Variants in CHM observed in about 807,000 individuals in gnomAD.
CHM encodes the protein CHM Rab escort protein, also known as rab proteins geranylgeranyltransferase component A 1.
Under a neutral mutation model 49.0 loss-of-function variants are expected in CHM, and 10 were observed. The observed-to-expected ratio is 0.20, with a 90% CI of 0.13 to 0.35. The LOEUF is 0.35. Among genes scored for constraint, CHM ranks in the 10% least tolerant of loss-of-function variants. The pLI is 1.00. For synonymous variants in CHM, 184 were observed against 167.5 expected (o/e 1.10, Z -0.76); for missense variants, 455 against 478.4 (o/e 0.95, Z 0.46).
At chrX:85,871,945 C>A (rs1329017274) in intron 14 of CHM, among the ~76,000 whole-genome samples, 1 of 112,076 alleles carries the variant, frequency 8.9e-6, no homozygotes, top group African/African-American at 3.2e-5. Flanking sequence ...AAATGCAGAT[C>A]TTCAGCCATC....
intron 2 of CHM, among the ~76,000 whole-genome samples, chrX:86,013,733 C>CAAAAAAAAAAAAGAA (rs71988543): frequency 7.6e-5 from 6 of 78,495 alleles, no homozygotes; most frequent in South Asian, 5.7e-4. Flanking sequence ...GACTTCGTCT[C>CAAAAAAAAAAAAGAA]AAAAAAAAAA....
At chrX:85,963,587 T>C (rs1261830095) in intron 5 of CHM, 78 bp downstream of exon 5, 5 of 809,220 alleles carry the variant, frequency 6.2e-6, no homozygotes. Flanking sequence ...ATGTTCTGCA[T>C]CTCAGAGAAT....
chrX:85,931,588 T>C (rs1928439090), intron 8 of CHM, among the ~76,000 whole-genome samples: 1 of 111,696 alleles, frequency 9.0e-6, no homozygotes, highest in Non-Finnish European at 1.9e-5. Context: ...CTAGATGATT[T>C]ACGGATCTAC....
chrX:85,871,919 G>T (rs1032998266), intron 14 of CHM, among the ~76,000 whole-genome samples: 5 of 111,933 alleles, frequency 4.5e-5, no homozygotes, highest in Non-Finnish European at 9.4e-5. Flanking sequence ...AAAATGACTT[G>T]ATCATTTCAA....
At chrX:85,883,404 C>A (rs1020562666) in intron 12 of CHM, among the ~76,000 whole-genome samples, 24 of 110,697 alleles carry the variant, frequency 2.2e-4, no homozygotes, top group Non-Finnish European at 1.9e-5. Flanking sequence ...AAACAGAGAA[C>A]CTCAGAGACA....
chrX:85,913,386 A>AAGAAAG (rs1200549168), intron 8 of CHM, among the ~76,000 whole-genome samples: 1 of 104,428 alleles, frequency 9.6e-6, no homozygotes, highest in Non-Finnish European at 2.0e-5. Flanking sequence ...GAAAGAAAGA[A>AAGAAAG]AAAAGGAAAA....
In CHM at chrX:85,958,944, G is replaced by A. The variant is rs1192192020; in HGVS notation, c.736C>T (p.Leu246=). 1 of 1,210,934 alleles carries A rather than the reference G, an allele frequency of 8.3e-7. No individual in the cohort carries two copies. Among genetic ancestry groups the A allele is most frequent in the Admixed American group, 2.2e-5 (1 of 45,954 alleles). Residue 246 remains leucine, a synonymous_variant, in exon 6 of 15, where the codon CTA becomes TTA. Coordinates refer to ENST00000357749, the MANE Select transcript of CHM (RefSeq NM_000390.4). ...TATCGACTAACATTAGATTTGATTA[G>A]AAGATCAATTAGTAATCCTCGAGAA... The part of the protein sequence containing the change: ...LYSRGLLIDL[L]IKSNVSRYAE...
chrX:86,015,291 A>AT (rs1477006757), intron 2 of CHM, among the ~76,000 whole-genome samples: 1 of 110,356 alleles, frequency 9.1e-6, no homozygotes, highest in African/African-American at 3.3e-5. Flanking sequence ...TATCTTCCTC[A>AT]TTTTCTCTTG....
chrX:85,974,558 G>C (rs1211659105), intron 4 of CHM, among the ~76,000 whole-genome samples: 4 of 110,891 alleles, frequency 3.6e-5, no homozygotes, highest in African/African-American at 1.3e-4. Context: ...AGATCGAACA[G>C]AATAAAGAAC....
chrX:85,893,442 T>A (rs377586076), intron 12 of CHM, among the ~76,000 whole-genome samples: 12 of 111,720 alleles, frequency 1.1e-4, no homozygotes, highest in African/African-American at 3.9e-4. Flanking sequence ...GTTCAGTAAT[T>A]GGATTTAGAA....
At chrX:85,872,722 TAA>T (rs764463896) in intron 14 of CHM, among the ~76,000 whole-genome samples, 16 of 112,242 alleles carry the variant, frequency 1.4e-4, no homozygotes, top group Non-Finnish European at 2.4e-4. Flanking sequence ...TCCAACTGTT[TAA>T]GTTAGAAACA....
intron 2 of CHM, among the ~76,000 whole-genome samples, chrX:86,026,413 G>A (rs952015609): frequency 9.1e-6 from 1 of 109,918 alleles, no homozygotes; most frequent in Admixed American, 9.8e-5. Context: ...TTACAGGCAT[G>A]AGCCACCACA....
At chrX:86,037,467 G>T (rs1045403168) in intron 1 of CHM, among the ~76,000 whole-genome samples, 1 of 111,086 alleles carries the variant, frequency 9.0e-6, no homozygotes, top group Non-Finnish European at 1.9e-5. Context: ...TAATTTAAGT[G>T]ACCAAAATGA....
At chrX:85,932,533 C>T (rs1199588170) in intron 8 of CHM, among the ~76,000 whole-genome samples, 2 of 112,096 alleles carry the variant, frequency 1.8e-5, no homozygotes, top group African/African-American at 3.2e-5. Flanking sequence ...GCAGTCTCAT[C>T]GTGGCTAGAA....
chrX:86,041,726 G>GTGTATATA (rs1183232252), intron 1 of CHM, among the ~76,000 whole-genome samples: 2 of 83,733 alleles, frequency 2.4e-5, no homozygotes, highest in African/African-American at 4.3e-5. Flanking sequence ...TGGTGTGTGT[G>GTGTATATA]TATATATATA....
chrX:85,915,056 T>TA (rs892176651), intron 8 of CHM, among the ~76,000 whole-genome samples: 59 of 108,216 alleles, frequency 5.5e-4, no homozygotes, highest in Non-Finnish European at 4.8e-4. Context: ...AAAACCCATA[T>TA]AAAAAAAAAC....
At chrX:85,910,819 A>T (rs1283404173) in intron 9 of CHM, among the ~76,000 whole-genome samples, 1 of 108,014 alleles carries the variant, frequency 9.3e-6, no homozygotes, top group East Asian at 3.0e-4. Context: ...CTTTGTTGTC[A>T]TCTGATGAAA....
At chrX:85,975,814 A>G (rs1380114413) in intron 4 of CHM, among the ~76,000 whole-genome samples, 2 of 112,558 alleles carry the variant, frequency 1.8e-5, no homozygotes, top group African/African-American at 3.2e-5. Flanking sequence ...CACAAACTCC[A>G]TATCTGCAAA....
chrX:85,956,460 T>A (rs1360590707), intron 7 of CHM, 82 bp from the exon 8 acceptor site: 3 of 1,123,232 alleles, frequency 2.7e-6, no homozygotes, highest in Admixed American at 5.3e-5. Flanking sequence ...AGATGAAGTG[T>A]GTTTCACAGA....
Sources: gnomAD v4.1 joint callset for allele counts (sites outside exome capture counted in the v4.1 genomes callset) on GRCh38, gnomAD v4.1.1 for gene constraint, MANE v1.5 for transcripts, NCBI Gene and HGNC (gene_info 2026-07-23, HGNC 2026-07-21) for gene names.